Variants in OR2L13 observed in about 807,000 individuals in gnomAD.
OR2L13 encodes olfactory receptor family 2 subfamily L member 13.
Under a neutral mutation model 15.3 loss-of-function variants are expected in OR2L13, and 14 were observed. The observed-to-expected ratio is 0.91, with a 90% CI of 0.60 to 1.43. OR2L13 has a LOEUF of 1.43. OR2L13 is among the 40% of genes most tolerant of loss of function. The probability of loss-of-function intolerance (pLI) is 0.00; values close to 1 mark genes in which losing one functional copy is unlikely to be tolerated. For missense variants in OR2L13, 367 were observed against 387.9 expected (o/e 0.95, Z 0.45); for synonymous variants, 152 against 142.9 (o/e 1.06, Z -0.45).
the OR2L13 span, among the ~76,000 whole-genome samples, chr1:247,938,158 G>GT: frequency 4.6e-5 from 7 of 151,958 alleles, no homozygotes; most frequent in Admixed American, 1.3e-4. Flanking sequence ...TGACAATTGA[G>GT]TTTTTTTACT....
At chr1:247,987,328 C>G in the OR2L13 span, among the ~76,000 whole-genome samples, 40,669 of 152,002 alleles carry the variant, frequency 0.27, 9,364 homozygotes, top group African/African-American at 0.62. Flanking sequence ...AGAAATTATC[C>G]TGCTTCCTTT....
At chr1:248,012,533 T>C in the OR2L13 span, among the ~76,000 whole-genome samples, 2 of 152,164 alleles carry the variant, frequency 1.3e-5, no homozygotes, top group Non-Finnish European at 2.9e-5. Flanking sequence ...CAAATGTGTT[T>C]TGTCTTCTAA....
chr1:248,018,828 G>C, the OR2L13 span, among the ~76,000 whole-genome samples: 1 of 151,974 alleles, frequency 6.6e-6, no homozygotes, highest in Non-Finnish European at 1.5e-5. Context: ...GGTCCCCTGG[G>C]GTCCAGCATT....
chr1:248,045,234 A>T, the OR2L13 span, among the ~76,000 whole-genome samples: 1 of 152,224 alleles, frequency 6.6e-6, no homozygotes, highest in African/African-American at 2.4e-5. Context: ...TAAACAGCCC[A>T]GTTTTATTTA....
chr1:247,955,855 A>G, the OR2L13 span, among the ~76,000 whole-genome samples: 2 of 151,786 alleles, frequency 1.3e-5, no homozygotes, highest in African/African-American at 2.4e-5. Context: ...CCTTTTTCAG[A>G]TGAGTAGATT....
the OR2L13 span, among the ~76,000 whole-genome samples, chr1:248,064,131 G>A: frequency 6.6e-6 from 1 of 152,164 alleles, no homozygotes; most frequent in African/African-American, 2.4e-5. Context: ...TTGTGAGATG[G>A]TCTGGGTGTT....
chr1:247,977,269 G>A, the OR2L13 span, among the ~76,000 whole-genome samples: 1 of 152,110 alleles, frequency 6.6e-6, no homozygotes, highest in African/African-American at 2.4e-5. Context: ...GAATCAACCA[G>A]CAAAATGTCT....
At chr1:248,038,870 C>G in the OR2L13 span, 2 of 1,614,182 alleles carry the variant, frequency 1.2e-6, no homozygotes, top group Non-Finnish European at 1.7e-6. Context: ...TGTTTTTGAG[C>G]AGCACCATCT....
At chr1:247,996,144 T>A in the OR2L13 span, among the ~76,000 whole-genome samples, 1 of 152,204 alleles carries the variant, frequency 6.6e-6, no homozygotes, top group African/African-American at 2.4e-5. Context: ...CTTCTCAACT[T>A]CTACTGTTTT....
chr1:248,050,812 T>C, the OR2L13 span, among the ~76,000 whole-genome samples: 1 of 152,318 alleles, frequency 6.6e-6, no homozygotes, highest in Admixed American at 6.5e-5. Flanking sequence ...GCCAATCTCA[T>C]CTTGATTCCA....
chr1:248,022,974 G>C, the OR2L13 span: 1 of 1,208,632 alleles, frequency 8.3e-7, no homozygotes, highest in Admixed American at 2.4e-5. Flanking sequence ...TACATGCCCA[G>C]TATGTCAAAC....
chr1:248,075,442 T>A, the OR2L13 span, among the ~76,000 whole-genome samples: 1 of 152,214 alleles, frequency 6.6e-6, no homozygotes, highest in African/African-American at 2.4e-5. Flanking sequence ...TCTTCCACAA[T>A]GGTTGAACTA....
chr1:247,957,018 G>C, the OR2L13 span, among the ~76,000 whole-genome samples: 121,503 of 152,064 alleles, frequency 0.8, 52,703 homozygotes, highest in South Asian at 0.95. Context: ...TCCCTGTCTT[G>C]TGCCAGTTTT....
At chr1:248,065,963 C>G in the OR2L13 span, among the ~76,000 whole-genome samples, 1 of 152,148 alleles carries the variant, frequency 6.6e-6, no homozygotes, top group South Asian at 2.1e-4. Flanking sequence ...CCAGTACCCT[C>G]TCTGTATCAG....
At chr1:247,986,345 C>T in the OR2L13 span, among the ~76,000 whole-genome samples, 2 of 152,094 alleles carry the variant, frequency 1.3e-5, no homozygotes, top group East Asian at 1.9e-4. Context: ...GCCAGTTTTC[C>T]CCGCACCATT....
chr1:247,940,220 A>G, the OR2L13 span, among the ~76,000 whole-genome samples: 2 of 152,190 alleles, frequency 1.3e-5, no homozygotes, highest in Non-Finnish European at 2.9e-5. Flanking sequence ...ATATTTAAGA[A>G]TATCCTGAAA....
the OR2L13 span, among the ~76,000 whole-genome samples, chr1:248,068,465 CAGAA>C: frequency 6.6e-6 from 1 of 152,164 alleles, no homozygotes; most frequent in African/African-American, 2.4e-5. Flanking sequence ...AACTAACAAA[CAGAA>C]AGGACATCCA....
chr1:248,076,062 C>T, the OR2L13 span, among the ~76,000 whole-genome samples: 1 of 152,174 alleles, frequency 6.6e-6, no homozygotes, highest in African/African-American at 2.4e-5. Context: ...CAGCTTTCTA[C>T]AGATGGCTAG....
chr1:247,985,760 C>G, the OR2L13 span, among the ~76,000 whole-genome samples: 6 of 151,642 alleles, frequency 4.0e-5, no homozygotes, highest in South Asian at 1.0e-3. Flanking sequence ...TCCACATCCT[C>G]TCCAGCACCT....
Sources: allele counts gnomAD v4.1 joint callset (sites outside exome capture counted in the v4.1 genomes callset), GRCh38; gene constraint gnomAD v4.1.1; transcripts MANE v1.5; gene names NCBI Gene and HGNC (gene_info 2026-07-23, HGNC 2026-07-21).